ECD: variants seen among roughly 807,000 people sequenced by gnomAD.
ECD encodes ecdysoneless cell cycle regulator, also known as protein ecdysoneless homolog.
Under a neutral mutation model 77.2 loss-of-function variants are expected in ECD, and 59 were observed. The ratio of observed to expected loss-of-function variants is 0.76; its 90% CI spans 0.62 to 0.95. The LOEUF (loss-of-function observed/expected upper bound fraction) is 0.95, where lower values mean the gene tolerates loss of function less well. Among genes scored for constraint, ECD ranks in the 40% least tolerant of loss-of-function variants. ECD has a pLI of 0.00. For missense variants in ECD, 704 were observed against 763.4 expected (o/e 0.92, Z 0.92); for synonymous variants, 233 against 267.4 (o/e 0.87, Z 1.26).
intron 1 of ECD, among the ~76,000 whole-genome samples, chr10:73,167,124 G>A (rs1238671051): frequency 1.3e-5 from 2 of 152,116 alleles, no homozygotes; most frequent in Admixed American, 1.3e-4. Context: ...ATTCACTGCA[G>A]ACATATGGAT....
In ECD at chr10:73,151,473, G is replaced by A. The variant is rs570391541; in HGVS notation, c.912+820C>T. Among the ~76,000 whole-genome samples, 16 of 151,400 alleles carry A rather than the reference G, an allele frequency of 1.1e-4. No individual in the cohort carries two copies. The South Asian group carries it at 1.7e-3, about 16-fold the overall frequency. ...GCACACCAACATGGCGCGTGTATAC[G>A]TATGTAACAAACCTGCACGTTGTGC... On this transcript the variant is annotated intron_variant, in intron 7 of 13. Transcript: ENST00000372979.
chr10:73,137,602 C>T (rs537002014), intron 12 of ECD, among the ~76,000 whole-genome samples: 40 of 151,944 alleles, frequency 2.6e-4, no homozygotes, highest in Admixed American at 2.1e-3. Flanking sequence ...GGTGAAACCC[C>T]GTCTCTACTA....
At chr10:73,140,073 C>T (rs1482842851) in intron 9 of ECD, among the ~76,000 whole-genome samples, 2 of 151,964 alleles carry the variant, frequency 1.3e-5, no homozygotes, top group Non-Finnish European at 2.9e-5. Context: ...CAACCTCCGC[C>T]TCCCAGGTTG....
At chr10:73,160,305 A>C in intron 3 of ECD, 129 bp downstream of exon 3, 1 of 528,748 alleles carries the variant, frequency 1.9e-6, no homozygotes, top group Non-Finnish European at 3.0e-6. Flanking sequence ...AAAAGAGCAC[A>C]GATACTATTA....
At chr10:73,136,146 T>C (rs1158394500) in intron 13 of ECD, among the ~76,000 whole-genome samples, 1 of 152,202 alleles carries the variant, frequency 6.6e-6, no homozygotes, top group African/African-American at 2.4e-5. Flanking sequence ...ATACCTCTGT[T>C]TAGGATTAGA....
intron 9 of ECD, among the ~76,000 whole-genome samples, chr10:73,145,977 G>C (rs1288726461): frequency 2.0e-5 from 3 of 151,776 alleles, no homozygotes; most frequent in Non-Finnish European, 2.9e-5. Flanking sequence ...TGTTTATAAA[G>C]ACTTCATAAT....
chr10:73,158,313 G>A (rs563072638), intron 3 of ECD, among the ~76,000 whole-genome samples: 9 of 151,968 alleles, frequency 5.9e-5, no homozygotes, highest in South Asian at 2.1e-4. Flanking sequence ...TTAAATGTTC[G>A]CACCACACAC....
intron 11 of ECD, 48 bp from the exon 12 acceptor site, chr10:73,138,118 CTT>C (rs753180833): frequency 8.6e-6 from 12 of 1,393,456 alleles, no homozygotes; most frequent in Middle Eastern, 2.3e-4. Context: ...AAATACAACT[CTT>C]TGAAACTTTT....
In ECD at chr10:73,139,733, G is replaced by A. The variant is rs1308335631; in HGVS notation, c.1132C>T (p.Leu378Phe). 2 of 1,583,808 alleles carry A rather than the reference G, an allele frequency of 1.3e-6. No individual in the cohort carries two copies. Among genetic ancestry groups the A allele is most frequent in the East Asian group, 2.2e-5 (1 of 44,680 alleles). ...ATTTCTTCACCAGGGCTCATAGCAA[G>A]AGAACTATGAAAAATAAAAAACATG... Reference protein sequence around the residue: ...QLSVDWPESSLAMSPGEEILT... With the variant: ...QLSVDWPESSFAMSPGEEILT... Residue 378 changes from leucine (L) to phenylalanine (F), a missense_variant, in exon 10 of 14, where the codon CTT becomes TTT. Leu to Phe is a conservative substitution (Grantham distance 22). Around this residue, in one of 3 missense-constraint regions of ECD, gnomAD observed 559 missense variants for 583.7 expected, o/e 0.96. Coordinates refer to ENST00000372979, the MANE Select transcript of ECD (RefSeq NM_007265.3).
At chr10:73,160,372 A>C in intron 3 of ECD, 62 bp downstream of exon 3, 1 of 1,134,942 alleles carries the variant, frequency 8.8e-7, no homozygotes, top group Non-Finnish European at 1.2e-6. Flanking sequence ...AAATAGATAA[A>C]AATGTAGTCA....
At position 73,153,774 on chromosome 10, in the gene ECD, A is replaced by G. The variant is rs1243104281; in HGVS notation, c.783+482T>C. ...AGGAAATAATTATAGAAATAGAAACATATGGTCAAAAATAGCTATAAAACA... is the reference window on the plus strand; with the variant it reads ...AGGAAATAATTATAGAAATAGAAACGTATGGTCAAAAATAGCTATAAAACA... On this transcript the variant is annotated intron_variant, in intron 6 of 13. Coordinates refer to ENST00000372979, the MANE Select transcript of ECD (RefSeq NM_007265.3). Among the ~76,000 whole-genome samples the G allele has an allele frequency of 4.0e-5, 6 of 151,586 alleles. No homozygotes were observed. The East Asian group carries it at 1.2e-3, about 29-fold the overall frequency.
intron 1 of ECD, among the ~76,000 whole-genome samples, chr10:73,167,375 T>A (rs563891439): frequency 1.3e-5 from 2 of 152,276 alleles, no homozygotes; most frequent in Admixed American, 1.3e-4. Flanking sequence ...TGATACCTCT[T>A]AATTTTCTAA....
intron 2 of ECD, among the ~76,000 whole-genome samples, chr10:73,163,297 G>A (rs1843404807): frequency 6.6e-6 from 1 of 152,050 alleles, no homozygotes; most frequent in African/African-American, 2.4e-5. Flanking sequence ...TTATAAGCTG[G>A]GCAGAGCCAC....
Position 73,156,629 on chromosome 10 carries a change from A to G in ECD, c.350T>C (p.Leu117Ser). The G allele has an allele frequency of 6.2e-7, 1 of 1,613,808 alleles. No individual in the cohort carries two copies. Among genetic ancestry groups the G allele is most frequent in the Non-Finnish European group, 8.5e-7 (1 of 1,180,022 alleles). The part of the protein sequence containing the change: ...ARIEDNDGEF[L>S]LIEAADFLPK... ...GAGAAAGTCAGCAGCTTCTATTAAC[A>G]AGAATTCACCATCATTGTCTTCAAT... The change falls in exon 4 of 14, where the codon TTG becomes TCG. Residue 117 changes from leucine to serine, a missense_variant. Transcript: ENST00000372979.
Position 73,134,143 on chromosome 10 carries a change from T to A in ECD, c.*440A>T, listed in dbSNP as rs1361322789. 1 of 162,266 alleles carries A rather than the reference T, an allele frequency of 6.2e-6. No homozygotes were observed. Among genetic ancestry groups the A allele is most frequent in the Non-Finnish European group, 1.4e-5 (1 of 73,080 alleles). 10.1% of individuals were successfully genotyped at this position (162,266 alleles called of 1,614,324 possible). ...TGCAAAAATTCACTGACTGTACACT[T>A]AAGATTTGTGCACTTAACCATATGC... On this transcript the variant is annotated 3_prime_UTR_variant, in exon 14 of 14. Coordinates refer to ENST00000372979, the MANE Select transcript of ECD (RefSeq NM_007265.3).
At chr10:73,141,018 GC>G (rs1408838988) in intron 9 of ECD, among the ~76,000 whole-genome samples, 35 of 152,126 alleles carry the variant, frequency 2.3e-4, no homozygotes, top group Middle Eastern at 3.4e-3. Context: ...TAAATGCTAT[GC>G]TAACACTTTA....
At chr10:73,159,412 C>T (rs1232228347) in intron 3 of ECD, among the ~76,000 whole-genome samples, 5 of 152,134 alleles carry the variant, frequency 3.3e-5, no homozygotes, top group Admixed American at 6.5e-5. Flanking sequence ...TTTAAAAATA[C>T]GTGAAATATG....
rs546810010 is a variant in ECD at position 73,148,375 on chromosome 10, T to C, written c.942A>G (p.Lys314=). The part of the protein sequence containing the change: ...LAHGFEILCS[K]CSPHFSDCKK... ...TGCAGTCAGAAAAATGTGGGCTACATTTGGAGCATAAGATCTCAAATCCAT... is the reference window on the plus strand; with the variant it reads ...TGCAGTCAGAAAAATGTGGGCTACACTTGGAGCATAAGATCTCAAATCCAT... Residue 314 remains lysine (K), a synonymous_variant, in exon 8 of 14, where the codon AAA becomes AAG. Coordinates refer to ENST00000372979, the MANE Select transcript of ECD (RefSeq NM_007265.3). The C allele has an allele frequency of 6.2e-7, 1 of 1,613,912 alleles. No individual in the cohort carries two copies. The highest frequency in any genetic ancestry group is 1.3e-5 in the African/African-American group (1 of 75,052).
At position 73,156,723 on chromosome 10, in the gene ECD, A is replaced by G. The variant is rs1843301706; in HGVS notation, c.324-68T>C. On this transcript the variant is annotated intron_variant, in intron 3 of 13. Coordinates refer to ENST00000372979, the MANE Select transcript of ECD (RefSeq NM_007265.3). ...ATCTGCTAGTAACCAAAACAGTTTC[A>G]TTCTAATACATTTTCCTCTTCATCT... The G allele has an allele frequency of 9.4e-6, 13 of 1,385,554 alleles. No individual in the cohort carries two copies. The East Asian group carries it at 2.5e-4, about 27-fold the overall frequency. 85.8% of individuals were successfully genotyped at this position (1,385,554 alleles called of 1,614,324 possible).
Sources: gnomAD v4.1 joint callset for allele counts (sites outside exome capture counted in the v4.1 genomes callset) on GRCh38, gnomAD v4.1.1 for gene constraint, gnomAD v4.1.1 regional missense constraint, MANE v1.5 for transcripts, NCBI Gene and HGNC (gene_info 2026-07-23, HGNC 2026-07-21) for gene names.